CCNC: variants seen among roughly 807,000 people sequenced by gnomAD.
The protein encoded by CCNC is cyclin C.
In CCNC, 19 loss-of-function variants were observed where a neutral mutation model predicts 50.0. The observed-to-expected ratio is 0.38, with a 90% CI of 0.27 to 0.56. The LOEUF is 0.56. Ranked by LOEUF, CCNC falls within the 20% of genes least tolerant of loss-of-function variation. CCNC has a pLI of 0.72. For missense variants in CCNC, 200 were observed against 327.1 expected, an observed-to-expected ratio of 0.61 and a Z score of 3.00; for synonymous variants, 93 against 103.7, an observed-to-expected ratio of 0.90 and a Z score of 0.63.
intron 5 of CCNC, among the ~76,000 whole-genome samples, chr6:99,553,811 T>C (rs1408070607): frequency 6.6e-6 from 1 of 152,206 alleles, no homozygotes; most frequent in Non-Finnish European, 1.5e-5. Context: ...ACCCAGTCTA[T>C]GGTACTTTCT....
chr6:99,555,099 T>C (rs1172155908), intron 5 of CCNC, among the ~76,000 whole-genome samples: 1 of 152,224 alleles, frequency 6.6e-6, no homozygotes, highest in African/African-American at 2.4e-5. Flanking sequence ...TGTATAGCAT[T>C]ATCAGAATTG....
intron 5 of CCNC, among the ~76,000 whole-genome samples, chr6:99,556,980 G>C (rs909014139): frequency 6.6e-6 from 1 of 152,120 alleles, no homozygotes. Context: ...ATTTAGCATC[G>C]AAGGCCCTCT....
At chr6:99,543,674 G>A (rs1309246667) in intron 11 of CCNC, 65 bp from the exon 12 acceptor site, 1 of 1,593,678 alleles carries the variant, frequency 6.3e-7, no homozygotes. Flanking sequence ...ACCCTGATAA[G>A]CCTACTGACT....
Position 99,542,962 on chromosome 6 carries a change from C to G in CCNC, c.*593G>C, listed in dbSNP as rs1028605911. 7 of 152,532 alleles carry G rather than the reference C, an allele frequency of 4.6e-5. No homozygotes were observed. The highest frequency in any genetic ancestry group is 1.4e-4 in the African/African-American group (6 of 41,438). The allele number at this position is 152,532 out of a possible 1,614,324, so 9.4% of individuals were successfully genotyped here. A position where few individuals can be genotyped will look rare whatever the true frequency, so the allele number is the denominator to read the frequency against. On this transcript the variant is annotated 3_prime_UTR_variant, in exon 12 of 12. Coordinates refer to ENST00000520429, the MANE Select transcript of CCNC (RefSeq NM_005190.4). ...ATACATATTGCACTTTTCTGCTAGG[C>G]TGGGCTAGTATCTTCCATGGCAAGA...
At chr6:99,561,208 A>C (rs1231792888) in intron 4 of CCNC, among the ~76,000 whole-genome samples, 159 bp downstream of exon 4, 3 of 152,230 alleles carry the variant, frequency 2.0e-5, no homozygotes, top group East Asian at 1.9e-4. Flanking sequence ...TGTTAAGTGA[A>C]TATATAAGGA....
intron 11 of CCNC, among the ~76,000 whole-genome samples, chr6:99,544,692 A>G (rs530690458): frequency 3.9e-5 from 6 of 151,952 alleles, no homozygotes; most frequent in African/African-American, 1.2e-4. Context: ...TCATTCATTG[A>G]AATTTTTGAA....
intron 11 of CCNC, chr6:99,544,058 A>G: frequency 7.8e-7 from 1 of 1,281,652 alleles, no homozygotes; most frequent in Non-Finnish European, 1.0e-6. Flanking sequence ...GGCATAATAA[A>G]ATCATATATA....
At chr6:99,568,245 G>T in intron 1 of CCNC, 1 of 555,154 alleles carries the variant, frequency 1.8e-6, no homozygotes, top group Non-Finnish European at 3.2e-6. Context: ...ACTCCGAAAC[G>T]TTCCTTCCCG....
chr6:99,562,698 TAAATG>T, intron 2 of CCNC, 139 bp downstream of exon 2: 1 of 562,142 alleles, frequency 1.8e-6, no homozygotes, highest in Non-Finnish European at 3.1e-6. Context: ...AAAAGAAAGA[TAAATG>T]AATATGTTGT....
intron 1 of CCNC, among the ~76,000 whole-genome samples, chr6:99,567,578 A>T (rs1236225926): frequency 6.6e-6 from 1 of 152,208 alleles, no homozygotes; most frequent in African/African-American, 2.4e-5. Context: ...CTAAAAAATG[A>T]ACATCAGGAA....
intron 5 of CCNC, among the ~76,000 whole-genome samples, chr6:99,555,418 A>G (rs1423916792): frequency 7.0e-6 from 1 of 142,464 alleles, no homozygotes; most frequent in East Asian, 2.1e-4. Flanking sequence ...TCTATGCAGC[A>G]TAAGACATTG....
chr6:99,551,534 CACA>C (rs1247811582), intron 6 of CCNC, among the ~76,000 whole-genome samples: 8 of 152,114 alleles, frequency 5.3e-5, no homozygotes, highest in Admixed American at 2.6e-4. Flanking sequence ...GGACCTTTTA[CACA>C]GTACCAATGT....
intron 2 of CCNC, 110 bp from the exon 3 acceptor site, chr6:99,561,791 A>G (rs1004057535): frequency 5.6e-6 from 4 of 720,254 alleles, no homozygotes; most frequent in African/African-American, 5.4e-5. Flanking sequence ...ATTTTTAACA[A>G]AGGAAAAAAC....
intron 10 of CCNC, 27 bp downstream of exon 10, chr6:99,546,368 C>A (rs752289569): frequency 2.0e-6 from 3 of 1,475,368 alleles, no homozygotes; most frequent in Non-Finnish European, 2.8e-6. Flanking sequence ...TTTAAACATC[C>A]AAGTTTACAT....
intron 4 of CCNC, among the ~76,000 whole-genome samples, chr6:99,560,384 C>A (rs1401138442): frequency 6.6e-6 from 1 of 152,154 alleles, no homozygotes; most frequent in East Asian, 1.9e-4. Context: ...TTATTTCTAA[C>A]AGAGTCAATT....
At position 99,567,394 on chromosome 6, in the gene CCNC, CAT is replaced by C. The variant is rs1326891382; in HGVS notation, c.32+1100_32+1101del. ...AAACAATGCAACATATATACACACA[CAT>C]ATATATATACATACACACACACACA... On this transcript the variant is annotated intron_variant, in intron 1 of 11. Coordinates refer to ENST00000520429, the MANE Select transcript of CCNC (RefSeq NM_005190.4). Among the ~76,000 whole-genome samples the C allele has an allele frequency of 2.2e-4, 30 of 138,414 alleles. No homozygotes were observed. In the East Asian group the frequency reaches 3.7e-3, roughly 17 times the overall value. The allele number at this position is 138,414 out of a possible 152,430, so 90.8% of individuals were successfully genotyped here.
chr6:99,558,406 A>C (rs1802635618), intron 5 of CCNC, 91 bp downstream of exon 5: 4 of 1,546,214 alleles, frequency 2.6e-6, no homozygotes, highest in Non-Finnish European at 3.5e-6. Context: ...CCAATCTCAT[A>C]TGTCTCATAA....
upstream of CCNC, chr6:99,568,703 C>T (rs763434500): frequency 6.9e-7 from 1 of 1,458,584 alleles, no homozygotes; most frequent in Non-Finnish European, 9.0e-7. Flanking sequence ...TTCACGCCGG[C>T]CGACAACACT....
chr6:99,553,737 TACCC>T (rs2114320268), intron 5 of CCNC, among the ~76,000 whole-genome samples: 1 of 152,296 alleles, frequency 6.6e-6, no homozygotes, highest in Admixed American at 6.5e-5. Flanking sequence ...AGTTCTCTTA[TACCC>T]ACCGTTATTG....
Sources: gnomAD v4.1 joint callset for allele counts (sites outside exome capture counted in the v4.1 genomes callset) on GRCh38, gnomAD v4.1.1 for gene constraint, MANE v1.5 for transcripts, NCBI Gene and HGNC (gene_info 2026-07-23, HGNC 2026-07-21) for gene names.